SHC3: variants seen among roughly 807,000 people sequenced by gnomAD.
SHC3 encodes SHC-transforming protein 3.
Under a neutral mutation model 60.4 loss-of-function variants are expected in SHC3, and 15 were observed. The observed-to-expected ratio is 0.25, with a 90% CI of 0.17 to 0.38. SHC3 has a LOEUF of 0.38. Among genes scored for constraint, SHC3 ranks in the 10% least tolerant of loss-of-function variants. The pLI, the probability that SHC3 is intolerant of heterozygous loss-of-function variation, is 1.00. For missense variants in SHC3, 677 were observed against 786.1 expected (o/e 0.86, Z 1.66); for synonymous variants, 294 against 325.9 (o/e 0.90, Z 1.05).
At chr9:89,132,642 A>G (rs1174196764) in intron 1 of SHC3, among the ~76,000 whole-genome samples, 1 of 152,230 alleles carries the variant, frequency 6.6e-6, no homozygotes, top group East Asian at 1.9e-4. Context: ...CAAACCTGAC[A>G]AAAACAAGAA....
chr9:89,028,423 A>G (rs1826356199), intron 11 of SHC3, among the ~76,000 whole-genome samples: 1 of 151,924 alleles, frequency 6.6e-6, no homozygotes, highest in Non-Finnish European at 1.5e-5. Flanking sequence ...CCTGCCTCAG[A>G]AGATAATTTG....
Position 89,059,132 on chromosome 9 carries a change from G to C in SHC3, c.835+6397C>G, listed in dbSNP as rs74822067. 2.1e-5 allele frequency among the ~76,000 whole-genome samples: 3 copies of C among 141,880 alleles called. No individual in the cohort carries two copies. The East Asian group carries it at 6.8e-4, about 32-fold the overall frequency. 93.1% of individuals were successfully genotyped at this position (141,880 alleles called of 152,430 possible). Reference sequence around the variant, plus strand: ...GTGGTGGAGGATGTGGTGGAGGACGGTGGTGGAGGATGTGGTGGAGGATGG... The same window carrying C: ...GTGGTGGAGGATGTGGTGGAGGACGCTGGTGGAGGATGTGGTGGAGGATGG... On this transcript the variant is annotated intron_variant, in intron 6 of 11. Transcript: ENST00000375835.
intron 1 of SHC3, among the ~76,000 whole-genome samples, chr9:89,118,220 ATTT>A (rs370492467): frequency 3.8e-5 from 5 of 130,382 alleles, no homozygotes; most frequent in Non-Finnish European, 5.0e-5. Flanking sequence ...GTCTCTACCT[ATTT>A]TTTTTTTTTT....
intron 11 of SHC3, among the ~76,000 whole-genome samples, chr9:89,028,651 AATAT>A (rs1290620738): frequency 1.4e-5 from 2 of 146,678 alleles, no homozygotes; most frequent in South Asian, 2.1e-4. Flanking sequence ...ATCTATATAG[AATAT>A]ATATAGATAT....
Position 89,156,911 on chromosome 9 carries a change from G to T in SHC3, c.474+21076C>A, listed in dbSNP as rs186861273. On this transcript the variant is annotated intron_variant, in intron 1 of 11. Coordinates refer to ENST00000375835, the MANE Select transcript of SHC3 (RefSeq NM_016848.6). The stretch of plus-strand genomic sequence containing the variant: ...CCTGGAATCCACCTATGACCTGTGG[G>T]CCTCTGCTTGGAGATGTCCTGTCTT... Among the ~76,000 whole-genome samples, 5 of 152,182 alleles carry T rather than the reference G, an allele frequency of 3.3e-5. No homozygotes were observed. The East Asian group carries it at 5.8e-4, about 18-fold the overall frequency.
chr9:89,174,155 A>G (rs1386953590), intron 1 of SHC3, among the ~76,000 whole-genome samples: 2 of 152,234 alleles, frequency 1.3e-5, no homozygotes, highest in Non-Finnish European at 2.9e-5. Context: ...AGTGAAAAAA[A>G]TTAAGAATAA....
At chr9:89,176,308 A>C (rs1267440694) in intron 1 of SHC3, among the ~76,000 whole-genome samples, 1 of 152,210 alleles carries the variant, frequency 6.6e-6, no homozygotes, top group Non-Finnish European at 1.5e-5. Context: ...ATTCATCATT[A>C]TTTTGCCACA....
chr9:89,154,519 C>T (rs1037176511), intron 1 of SHC3, among the ~76,000 whole-genome samples: 1 of 152,204 alleles, frequency 6.6e-6, no homozygotes, highest in Non-Finnish European at 1.5e-5. Context: ...AGTTTTCCAA[C>T]CTCCTTTTCC....
intron 1 of SHC3, among the ~76,000 whole-genome samples, chr9:89,172,858 C>T (rs532575641): frequency 6.6e-6 from 1 of 152,276 alleles, no homozygotes; most frequent in African/African-American, 2.4e-5. Context: ...CTGGCTCTTC[C>T]TTGTTGCTTT....
chr9:89,029,926 T>C (rs1824453216), intron 11 of SHC3, among the ~76,000 whole-genome samples: 1 of 152,116 alleles, frequency 6.6e-6, no homozygotes, highest in African/African-American at 2.4e-5. Context: ...TCATATATCA[T>C]AAATAACATT....
intron 1 of SHC3, 110 bp downstream of exon 1, chr9:89,177,877 C>G (rs1826965080): frequency 4.4e-6 from 5 of 1,130,052 alleles, no homozygotes; most frequent in Non-Finnish European, 5.4e-6. Flanking sequence ...TTGCCTCTAA[C>G]GTGACAGTCG....
intron 2 of SHC3, among the ~76,000 whole-genome samples, chr9:89,107,144 G>A (rs915413120): frequency 6.6e-6 from 1 of 152,196 alleles, no homozygotes; most frequent in Non-Finnish European, 1.5e-5. Flanking sequence ...CTGATGGGCT[G>A]GCTGGAGAAC....
intron 2 of SHC3, among the ~76,000 whole-genome samples, chr9:89,104,767 A>G (rs1825833060): frequency 6.6e-6 from 1 of 151,970 alleles, no homozygotes; most frequent in East Asian, 1.9e-4. Flanking sequence ...TCACCCTCCA[A>G]TCCAACCTTT....
At chr9:89,129,863 A>T (rs575600197) in intron 1 of SHC3, among the ~76,000 whole-genome samples, 25 of 152,340 alleles carry the variant, frequency 1.6e-4, no homozygotes, top group Middle Eastern at 6.8e-3. Flanking sequence ...CGAGAAAAAT[A>T]ACCAGCTAAC....
At chr9:89,121,662 A>G (rs1231223842) in intron 1 of SHC3, among the ~76,000 whole-genome samples, 1 of 152,220 alleles carries the variant, frequency 6.6e-6, no homozygotes, top group Admixed American at 6.5e-5. Context: ...ACTAGTGTAG[A>G]GTCAAATTTG....
At chr9:89,020,659 CAGT>C (rs1348372164) in intron 11 of SHC3, among the ~76,000 whole-genome samples, 4 of 152,154 alleles carry the variant, frequency 2.6e-5, no homozygotes, top group African/African-American at 9.7e-5. Context: ...CCCTCATGTG[CAGT>C]AGGAGATGCA....
chr9:89,133,205 A>G (rs1010253085), intron 1 of SHC3, among the ~76,000 whole-genome samples: 1 of 152,240 alleles, frequency 6.6e-6, no homozygotes, highest in Non-Finnish European at 1.5e-5. Flanking sequence ...TCAAAACCGC[A>G]ATGAGATAAC....
At chr9:89,147,559 T>C (rs1191603863) in intron 1 of SHC3, among the ~76,000 whole-genome samples, 1 of 152,030 alleles carries the variant, frequency 6.6e-6, no homozygotes, top group African/African-American at 2.4e-5. Context: ...ATGATCTGTA[T>C]CAAATATCAT....
chr9:89,166,624 C>A (rs888207983), intron 1 of SHC3, among the ~76,000 whole-genome samples: 1 of 152,014 alleles, frequency 6.6e-6, no homozygotes, highest in African/African-American at 2.4e-5. Flanking sequence ...AGATTTCATA[C>A]GAGGGGGCAC....
Sources: gnomAD v4.1 joint callset for allele counts (sites outside exome capture counted in the v4.1 genomes callset) on GRCh38, gnomAD v4.1.1 for gene constraint, MANE v1.5 for transcripts, NCBI Gene and HGNC (gene_info 2026-07-23, HGNC 2026-07-21) for gene names.